UST: variants seen among roughly 807,000 people sequenced by gnomAD.
The protein encoded by UST is uronyl 2-sulfotransferase.
UST carries 21 observed loss-of-function variants against 45.6 expected under a neutral mutation model. The observed-to-expected ratio is 0.46, with a 90% confidence interval of 0.33 to 0.66. UST has a LOEUF of 0.66. UST is among the 30% of genes least tolerant of loss of function. UST has a pLI of 0.02. For missense variants in UST, 463 were observed against 512.4 expected, an observed-to-expected ratio of 0.90 and a Z score of 0.93; for synonymous variants, 215 against 200.6, an observed-to-expected ratio of 1.07 and a Z score of -0.61.
chr6:149,022,242 T>C (rs1490123579), intron 7 of UST, among the ~76,000 whole-genome samples: 1 of 152,220 alleles, frequency 6.6e-6, no homozygotes, highest in East Asian at 1.9e-4. Flanking sequence ...ACACATTCAG[T>C]GATCTGTTTA....
chr6:148,749,092 T>C (rs1562555594), intron 1 of UST, among the ~76,000 whole-genome samples: 1 of 152,232 alleles, frequency 6.6e-6, no homozygotes, highest in Non-Finnish European at 1.5e-5. Flanking sequence ...CTTTTATTTC[T>C]TTATAAACTT....
chr6:149,027,200 A>G (rs991565085), intron 7 of UST, among the ~76,000 whole-genome samples: 1 of 152,230 alleles, frequency 6.6e-6, no homozygotes, highest in African/African-American at 2.4e-5. Context: ...GATAACAAAT[A>G]TGTAGAAGAA....
intron 1 of UST, among the ~76,000 whole-genome samples, chr6:148,755,915 G>A (rs886248642): frequency 1.3e-5 from 2 of 151,890 alleles, no homozygotes; most frequent in African/African-American, 4.8e-5. Context: ...GTGCAGGTTT[G>A]TTACATACGT....
At position 148,864,869 on chromosome 6, in the gene UST, T is replaced by G. The variant is rs1778396410; in HGVS notation, c.248-22117T>G. ...CCCTTGTTTTGCCCTCAGTACACAA[T>G]GCTCAGTATTCAGAAAGGCTGATGT... On this transcript the variant is annotated intron_variant, in intron 1 of 7. Transcript: ENST00000367463. Among the ~76,000 whole-genome samples the G allele has an allele frequency of 2.0e-5, 3 of 152,230 alleles. No individual in the cohort carries two copies. The South Asian group carries it at 6.2e-4, about 32-fold the overall frequency.
rs571724384 is a variant in UST, at chr6:148,759,140, A to C, written c.247+11463A>C. Among the ~76,000 whole-genome samples the C allele has an allele frequency of 5.3e-5, 8 of 152,032 alleles. No homozygotes were observed. The East Asian group carries it at 9.7e-4, about 18-fold the overall frequency. On this transcript the variant is annotated intron_variant, in intron 1 of 7. Transcript: ENST00000367463. The stretch of plus-strand genomic sequence containing the variant: ...TTCTCAGCTGTTTCCGTTCCTTAGG[A>C]CCCTCATCCATAGCAGTGTTTCCAT...
intron 2 of UST, among the ~76,000 whole-genome samples, chr6:148,910,338 C>G (rs1779448645): frequency 6.6e-6 from 1 of 152,086 alleles, no homozygotes; most frequent in Non-Finnish European, 1.5e-5. Flanking sequence ...TGGGGTTTCT[C>G]CATGTTGGTC....
intron 1 of UST, among the ~76,000 whole-genome samples, chr6:148,751,330 C>T (rs1347594365): frequency 2.0e-5 from 3 of 152,174 alleles, no homozygotes; most frequent in African/African-American, 4.8e-5. Context: ...AAGGACCAGC[C>T]AACGGCACCC....
intron 1 of UST, among the ~76,000 whole-genome samples, chr6:148,795,297 T>C (rs1374252662): frequency 1.3e-5 from 2 of 152,172 alleles, no homozygotes; most frequent in Non-Finnish European, 1.5e-5. Flanking sequence ...AGAGGCTCAG[T>C]TGCCTGGTCT....
At chr6:148,948,348 C>A (rs1259686850) in intron 3 of UST, among the ~76,000 whole-genome samples, 2 of 152,176 alleles carry the variant, frequency 1.3e-5, no homozygotes, top group Non-Finnish European at 2.9e-5. Flanking sequence ...CACTTATGAA[C>A]CACGTAGGGT....
At chr6:148,971,584 A>G (rs1230913503) in intron 5 of UST, among the ~76,000 whole-genome samples, 1 of 152,156 alleles carries the variant, frequency 6.6e-6, no homozygotes, top group African/African-American at 2.4e-5. Flanking sequence ...CTGAAGGGAA[A>G]GAGGAGAAGG....
chr6:148,947,713 G>A (rs983708786), intron 3 of UST, among the ~76,000 whole-genome samples: 7 of 152,216 alleles, frequency 4.6e-5, no homozygotes, highest in African/African-American at 1.4e-4. Context: ...GAAAAGCCTC[G>A]CTTAGAATGA....
chr6:148,748,689 G>C lies in UST; in HGVS notation c.247+1012G>C, dbSNP rs73600852. Among the ~76,000 whole-genome samples the C allele has an allele frequency of 1.3e-5, 2 of 152,062 alleles. No homozygotes were observed. The highest frequency in any genetic ancestry group is 2.9e-5 in the Non-Finnish European group (2 of 68,024). ...CCCAAGTCTGTGGCCAGAAGAGGTCGTGCGGGGGTGAAGGCTGGGAGAGCT... is the reference window on the plus strand; with the variant it reads ...CCCAAGTCTGTGGCCAGAAGAGGTCCTGCGGGGGTGAAGGCTGGGAGAGCT... On this transcript the variant is annotated intron_variant, in intron 1 of 7. Coordinates refer to ENST00000367463, the MANE Select transcript of UST (RefSeq NM_005715.3). This position sits in a 1 kb window ranked among gnomAD's most constrained non-coding sequence, Gnocchi z 5.3.
chr6:149,052,569 C>CCGTGCT, intron 7 of UST, among the ~76,000 whole-genome samples: 1 of 147,188 alleles, frequency 6.8e-6, no homozygotes, highest in East Asian at 1.9e-4. Context: ...ACTTGCAACC[C>CCGTGCT]CGTGCTCGTA....
At chr6:148,794,866 A>T (rs901083859) in intron 1 of UST, among the ~76,000 whole-genome samples, 1 of 152,204 alleles carries the variant, frequency 6.6e-6, no homozygotes, top group Non-Finnish European at 1.5e-5. Context: ...TGCTGTGGGT[A>T]TCCTTCATCC....
rs149949860 is a variant in UST at position 148,778,875 on chromosome 6, C to G, written c.247+31198C>G. ...TCTGATGACGACCAAGGCCCACCCC[C>G]CTCCATCCCATCCGGAATCCAGATT... On this transcript the variant is annotated intron_variant, in intron 1 of 7. Transcript: ENST00000367463. Among the ~76,000 whole-genome samples the G allele has an allele frequency of 2.7e-3, 417 of 152,264 alleles. 1 individual carries two copies. The highest frequency in any genetic ancestry group is 8.5e-3 in the African/African-American group (355 of 41,550).
At position 148,747,336 on chromosome 6, in the gene UST, C is replaced by T. The variant is rs1775884814; in HGVS notation, c.-95C>T. 3 of 1,342,186 alleles carry T rather than the reference C, an allele frequency of 2.2e-6. No individual in the cohort carries two copies. The highest frequency in any genetic ancestry group is 2.9e-6 in the Non-Finnish European group (3 of 1,041,884). The allele number at this position is 1,342,186 out of a possible 1,614,324, so 83.1% of individuals were successfully genotyped here. A position where few individuals can be genotyped will look rare whatever the true frequency, so the allele number is the denominator to read the frequency against. On this transcript the variant is annotated 5_prime_UTR_variant, in exon 1 of 8. Coordinates refer to ENST00000367463, the MANE Select transcript of UST (RefSeq NM_005715.3). Reference sequence around the variant, plus strand: ...CCCGGCTGCCCTCCGCGCGGCCCTCCCCATGTGCAGCCGGCCAGCCGGGCT... The same window carrying T: ...CCCGGCTGCCCTCCGCGCGGCCCTCTCCATGTGCAGCCGGCCAGCCGGGCT...
At chr6:148,893,071 T>C (rs1779050744) in intron 2 of UST, among the ~76,000 whole-genome samples, 1 of 152,170 alleles carries the variant, frequency 6.6e-6, no homozygotes, top group South Asian at 2.1e-4. Context: ...TTATAAAACC[T>C]AAAAAACTAA....
At chr6:148,945,860 T>A (rs77744262) in intron 3 of UST, among the ~76,000 whole-genome samples, 3,528 of 152,254 alleles carry the variant, frequency 0.023, 45 homozygotes, top group Non-Finnish European at 0.027. Flanking sequence ...CTCCCACCAG[T>A]TGTAACAGTA....
chr6:148,973,363 C>CT lies in UST; in HGVS notation c.681+8805dup, dbSNP rs200399374. ...ATAAAATATTTTAGCATCTGGACATCTTTTTATTTAGGTTGACGAGGCACT... is the reference window on the plus strand; with the variant it reads ...ATAAAATATTTTAGCATCTGGACATCTTTTTTATTTAGGTTGACGAGGCACT... On this transcript the variant is annotated intron_variant, in intron 5 of 7. Coordinates refer to ENST00000367463, the MANE Select transcript of UST (RefSeq NM_005715.3). 9.7e-4 allele frequency among the ~76,000 whole-genome samples: 148 copies of CT among 152,316 alleles called. 2 individuals carry two copies. In the East Asian group the frequency reaches 0.027, roughly 28 times the overall value.
Sources: gnomAD v4.1 joint callset for allele counts (sites outside exome capture counted in the v4.1 genomes callset) on GRCh38, gnomAD v4.1.1 for gene constraint, Gnocchi (gnomAD v3.1) non-coding constraint, MANE v1.5 for transcripts, NCBI Gene and HGNC (gene_info 2026-07-23, HGNC 2026-07-21) for gene names.